The following GLIS3 variants were observed in gnomAD, a reference collection of about 807,000 sequenced individuals.
The protein encoded by GLIS3 is zinc finger protein GLIS3.
GLIS3 carries 53 observed loss-of-function variants against 78.6 expected under a neutral mutation model. That is an observed-to-expected ratio of 0.67 (90% CI 0.54 to 0.85). GLIS3 has a LOEUF of 0.85. Ranked by LOEUF, GLIS3 falls within the 40% of genes least tolerant of loss-of-function variation. The pLI is 0.00. For missense variants in GLIS3, 1,703 were observed against 1,231.1 expected (o/e 1.38, Z -5.74); for synonymous variants, 684 against 509.9 (o/e 1.34, Z -4.60).
intron 4 of GLIS3, among the ~76,000 whole-genome samples, chr9:3,970,156 A>C (rs905672479): frequency 1.3e-5 from 2 of 152,220 alleles, no homozygotes; most frequent in Non-Finnish European, 2.9e-5. Context: ...GAGCTGGTAC[A>C]CACATATAAC....
At chr9:3,908,538 A>G (rs1823876226) in intron 6 of GLIS3, among the ~76,000 whole-genome samples, 2 of 152,068 alleles carry the variant, frequency 1.3e-5, no homozygotes, top group African/African-American at 2.4e-5. Flanking sequence ...ACAATCTCCC[A>G]TTATGAAATA....
At chr9:4,119,428 T>G (rs1832017500) in intron 3 of GLIS3, among the ~76,000 whole-genome samples, 1 of 152,244 alleles carries the variant, frequency 6.6e-6, no homozygotes, top group Non-Finnish European at 1.5e-5. Context: ...ATTTCACAAT[T>G]TAGTTTCACT....
chr9:4,216,465 G>A (rs371911843), intron 2 of GLIS3, among the ~76,000 whole-genome samples: 5 of 141,222 alleles, frequency 3.5e-5, no homozygotes, highest in Non-Finnish European at 4.5e-5. Context: ...GGGTGACAGA[G>A]CGAGACTCTG....
intron 3 of GLIS3, among the ~76,000 whole-genome samples, chr9:4,124,680 A>G (rs556488285): frequency 2.0e-5 from 3 of 152,366 alleles, no homozygotes; most frequent in African/African-American, 7.2e-5. Flanking sequence ...CAGAGTCTCA[A>G]ATAGTGACTA....
chr9:4,209,640 C>T (rs1820210947), intron 2 of GLIS3, among the ~76,000 whole-genome samples: 1 of 152,180 alleles, frequency 6.6e-6, no homozygotes. Flanking sequence ...AGGAGAGGCT[C>T]ACTGCTAGAG....
At chr9:4,006,152 G>A (rs967330411) in intron 4 of GLIS3, among the ~76,000 whole-genome samples, 1 of 152,024 alleles carries the variant, frequency 6.6e-6, no homozygotes, top group Non-Finnish European at 1.5e-5. Flanking sequence ...TTGGGAGAAT[G>A]CATGTTTTCC....
chr9:3,835,382 T>C (rs1818286955), intron 9 of GLIS3, among the ~76,000 whole-genome samples: 3 of 152,196 alleles, frequency 2.0e-5, no homozygotes. Context: ...GAGTGTGACC[T>C]AGTCAGGCTT....
At chr9:4,477,958 A>C in the GLIS3 span, among the ~76,000 whole-genome samples, 1 of 152,368 alleles carries the variant, frequency 6.6e-6, no homozygotes, top group African/African-American at 2.4e-5. Flanking sequence ...CATATTTCTA[A>C]GCCTTGTCCA....
At chr9:4,265,905 T>TTTTTTTGG (rs1213858811) in intron 2 of GLIS3, among the ~76,000 whole-genome samples, 1 of 58,338 alleles carries the variant, frequency 1.7e-5, no homozygotes, top group African/African-American at 1.0e-4. Context: ...TGGTTTTTTT[T>TTTTTTTGG]TTGTTTGTCT....
Position 4,117,859 on chromosome 9 carries a change from C to G in GLIS3, c.1619G>C (p.Gly540Ala). 1.2e-6 allele frequency: 2 copies of G among 1,614,140 alleles called. No individual in the cohort carries two copies. The highest frequency in any genetic ancestry group is 1.7e-6 in the Non-Finnish European group (2 of 1,180,032). The change falls in exon 4 of 11, where the codon GGT becomes GCT. Residue 540 changes from glycine (G) to alanine (A), a missense_variant. Transcript: ENST00000381971. ...KGEDFTCFWA[G>A]CPRRYKPFNA... is the part of the protein sequence containing the mutation. ...GAAGGGCTTGTATCTTCGAGGGCAA[C>G]CGGCCCAGAAGCAAGTGAAGTCCTC...
At chr9:4,078,834 A>G (rs1178323733) in intron 4 of GLIS3, among the ~76,000 whole-genome samples, 1 of 152,210 alleles carries the variant, frequency 6.6e-6, no homozygotes, top group Non-Finnish European at 1.5e-5. Context: ...TAGCTACTTT[A>G]GAACTCAGAG....
the GLIS3 span, among the ~76,000 whole-genome samples, chr9:4,436,560 T>A: frequency 6.6e-6 from 1 of 152,100 alleles, no homozygotes; most frequent in African/African-American, 2.4e-5. Flanking sequence ...ATCCCAGCAC[T>A]TTGGGAGGCC....
rs148212662 is a variant in GLIS3 at position 4,243,396 on chromosome 9, A to ACGCG, written c.388+42641_388+42642insCGCG. On this transcript the variant is annotated intron_variant, in intron 2 of 10. Transcript: ENST00000381971. ...TACATGTTTACACATGCACACATAC[A>ACGCG]CGCACACACACACACACATACGCAT... Among the ~76,000 whole-genome samples, 5 of 147,384 alleles carry ACGCG rather than the reference A, an allele frequency of 3.4e-5. No individual in the cohort carries two copies. The South Asian group carries it at 1.0e-3, about 31-fold the overall frequency.
At chr9:4,084,461 G>C (rs1484872747) in intron 4 of GLIS3, among the ~76,000 whole-genome samples, 1 of 152,134 alleles carries the variant, frequency 6.6e-6, no homozygotes, top group East Asian at 1.9e-4. Flanking sequence ...GGTTCGCGTG[G>C]TGGAGAAGAA....
At chr9:4,200,538 C>T (rs1043583326) in intron 2 of GLIS3, among the ~76,000 whole-genome samples, 2 of 152,240 alleles carry the variant, frequency 1.3e-5, no homozygotes, top group African/African-American at 2.4e-5. Flanking sequence ...CCTCTATGCA[C>T]ACGAACTAGA....
intron 8 of GLIS3, among the ~76,000 whole-genome samples, chr9:3,872,901 T>C (rs1376390816): frequency 4.0e-5 from 6 of 151,864 alleles, no homozygotes; most frequent in African/African-American, 1.5e-4. Context: ...AACCCCAGAT[T>C]TGCAGGAAAA....
At chr9:4,108,387 G>T (rs1405439057) in intron 4 of GLIS3, among the ~76,000 whole-genome samples, 3 of 152,152 alleles carry the variant, frequency 2.0e-5, no homozygotes, top group Non-Finnish European at 4.4e-5. Flanking sequence ...AAGGCATGGG[G>T]CCTGTGAAGC....
At chr9:4,360,134 T>C in the GLIS3 span, among the ~76,000 whole-genome samples, 1 of 152,180 alleles carries the variant, frequency 6.6e-6, no homozygotes, top group Non-Finnish European at 1.5e-5. Flanking sequence ...ACAGGTTTTA[T>C]GCAAACCATG....
At chr9:4,145,616 C>CCCAACTCGCATGAACA (rs1158484836) in intron 2 of GLIS3, among the ~76,000 whole-genome samples, 5 of 152,120 alleles carry the variant, frequency 3.3e-5, no homozygotes, top group African/African-American at 1.2e-4. Flanking sequence ...ACTTTTACAG[C>CCCAACTCGCATGAACA]CCGACTCTGA....
Sources: gnomAD v4.1 joint callset for allele counts (sites outside exome capture counted in the v4.1 genomes callset) on GRCh38, gnomAD v4.1.1 for gene constraint, MANE v1.5 for transcripts, NCBI Gene and HGNC (gene_info 2026-07-23, HGNC 2026-07-21) for gene names.